Variants in CDKL5 observed in about 807,000 individuals in gnomAD.
CDKL5 encodes the protein cyclin-dependent kinase-like 5.
A neutral mutation model predicts 61.7 loss-of-function variants in CDKL5; 8 were observed. The observed-to-expected ratio is 0.13, with a 90% CI of 0.08 to 0.23. The LOEUF (loss-of-function observed/expected upper bound fraction) is 0.23. Ranked by LOEUF, CDKL5 falls within the 10% of genes least tolerant of loss-of-function variation. CDKL5 has a pLI of 1.00. For missense variants in CDKL5, 440 were observed against 734.5 expected, an observed-to-expected ratio of 0.60 and a Z score of 4.63; for synonymous variants, 275 against 272.3, an observed-to-expected ratio of 1.01 and a Z score of -0.10.
intron 4 of CDKL5, among the ~76,000 whole-genome samples, chrX:18,567,806 G>A (rs1602265316): frequency 9.0e-6 from 1 of 111,536 alleles, no homozygotes; most frequent in East Asian, 2.8e-4. Flanking sequence ...GCTCGCTTGA[G>A]CCCAGAAGGT....
At chrX:18,547,870 G>T (rs747631429) in intron 3 of CDKL5, among the ~76,000 whole-genome samples, 1 of 112,210 alleles carries the variant, frequency 8.9e-6, no homozygotes, top group African/African-American at 3.2e-5. Context: ...TTGAACAAAA[G>T]GATTTTTAGC....
At chrX:18,565,016 G>A (rs1346195596) in intron 4 of CDKL5, among the ~76,000 whole-genome samples, 3 of 111,810 alleles carry the variant, frequency 2.7e-5, no homozygotes, top group Non-Finnish European at 3.8e-5. Context: ...ATAATGCATT[G>A]AGAGAATAAA....
At chrX:18,601,742 C>T (rs1054362960) in intron 11 of CDKL5, among the ~76,000 whole-genome samples, 1 of 112,159 alleles carries the variant, frequency 8.9e-6, no homozygotes, top group Non-Finnish European at 1.9e-5. Context: ...TCTTACGTTG[C>T]TCTGAATGTG....
At chrX:18,619,103 C>T (rs1442674572) in intron 15 of CDKL5, among the ~76,000 whole-genome samples, 1 of 108,259 alleles carries the variant, frequency 9.2e-6, no homozygotes, top group Non-Finnish European at 1.9e-5. Context: ...TCAGTGGTAT[C>T]AAGCTTAATG....
At position 18,634,749 on chromosome X, in the gene CDKL5, CA is replaced by C; in HGVS notation, c.*5995del. ...GATTGATTAACAGAAACAATTAAAC[CA>C]AACAAAATCATTGCCCCAAATTTCT... On this transcript the variant is annotated 3_prime_UTR_variant, in exon 18 of 18. Transcript: ENST00000623535. The C allele has an allele frequency of 1.3e-6, 1 of 752,756 alleles. No homozygotes were observed. The highest frequency in any genetic ancestry group is 1.6e-6 in the Non-Finnish European group (1 of 638,628). 62.0% of individuals were successfully genotyped at this position (752,756 alleles called of 1,213,427 possible). A position where few individuals can be genotyped will look rare whatever the true frequency, so the allele number is the denominator to read the frequency against.
At chrX:18,511,782 G>A (rs1922840871) in intron 3 of CDKL5, among the ~76,000 whole-genome samples, 1 of 112,263 alleles carries the variant, frequency 8.9e-6, no homozygotes, top group African/African-American at 3.2e-5. Context: ...AAGGTGGTGG[G>A]ACAGGAATAA....
chrX:18,445,766 C>T (rs1931860731), intron 1 of CDKL5, among the ~76,000 whole-genome samples: 1 of 111,467 alleles, frequency 9.0e-6, no homozygotes, highest in Non-Finnish European at 1.9e-5. Flanking sequence ...TGTTAAGTTT[C>T]CTGAGGCCTC....
rs1927402081 is a variant in CDKL5, at chrX:18,636,821, T to C, written c.*8064T>C. On this transcript the variant is annotated 3_prime_UTR_variant, in exon 18 of 18. Transcript: ENST00000623535. ...GCAGGTAACAAGTCCCCACGATGTA[T>C]AACATATTCTTCTCTAAAAGCTCAC... 1 of 112,406 alleles carries C rather than the reference T, an allele frequency of 8.9e-6. No homozygotes were observed. Among genetic ancestry groups the C allele is most frequent in the Non-Finnish European group, 1.9e-5 (1 of 53,316 alleles). 9.3% of individuals were successfully genotyped at this position (112,406 alleles called of 1,213,427 possible).
intron 1 of CDKL5, among the ~76,000 whole-genome samples, chrX:18,431,119 T>C (rs1027683265): frequency 9.0e-6 from 1 of 110,938 alleles, no homozygotes; most frequent in African/African-American, 3.3e-5. Context: ...TGCCTCGGCC[T>C]CCCAAAGTGT....
chrX:18,633,623 C>T lies in CDKL5; in HGVS notation c.*4866C>T, dbSNP rs1927293523. 2 of 754,443 alleles carry T rather than the reference C, an allele frequency of 2.7e-6. No individual in the cohort carries two copies. Among genetic ancestry groups the T allele is most frequent in the African/African-American group, 4.6e-5 (2 of 43,911 alleles). The allele number at this position is 754,443 out of a possible 1,213,427, so 62.2% of individuals were successfully genotyped here. A position where few individuals can be genotyped will look rare whatever the true frequency, so the allele number is the denominator to read the frequency against. On this transcript the variant is annotated 3_prime_UTR_variant, in exon 18 of 18. Coordinates refer to ENST00000623535, the MANE Select transcript of CDKL5 (RefSeq NM_001323289.2). ...AACCATACAAGAAAAAGAAGTCCCT[C>T]ATCTATCTGCATACACGCAATGTGG...
In CDKL5 at chrX:18,635,267, A is replaced by G. The variant is rs984949362; in HGVS notation, c.*6510A>G. The G allele has an allele frequency of 1.3e-6, 1 of 748,001 alleles. No homozygotes were observed. The highest frequency in any genetic ancestry group is 2.3e-5 in the African/African-American group (1 of 42,962). 61.6% of individuals were successfully genotyped at this position (748,001 alleles called of 1,213,427 possible). A position where few individuals can be genotyped will look rare whatever the true frequency, so the allele number is the denominator to read the frequency against. The stretch of plus-strand genomic sequence containing the variant: ...TAAAATTTCTATTGTTGCTGTAAAT[A>G]TTACACAAATATCTATTCCGTGATA... On this transcript the variant is annotated 3_prime_UTR_variant, in exon 18 of 18. Transcript: ENST00000623535.
At chrX:18,444,987 G>C (rs1931839737) in intron 1 of CDKL5, among the ~76,000 whole-genome samples, 1 of 111,244 alleles carries the variant, frequency 9.0e-6, no homozygotes, top group South Asian at 3.7e-4. Flanking sequence ...TCTATTCTCA[G>C]ATGGGTCTCC....
intron 4 of CDKL5, among the ~76,000 whole-genome samples, chrX:18,573,507 C>T (rs1412822543): frequency 8.9e-6 from 1 of 112,052 alleles, no homozygotes; most frequent in Non-Finnish European, 1.9e-5. Context: ...GACCTTTGTC[C>T]CCTCCCAATG....
chrX:18,473,459 G>A (rs771949563), intron 1 of CDKL5, among the ~76,000 whole-genome samples: 7 of 109,960 alleles, frequency 6.4e-5, no homozygotes, highest in Admixed American at 3.0e-4. Context: ...TCCAGTCTCC[G>A]TTAAAGCCAG....
At position 18,564,510 on chromosome X, in the gene CDKL5, A is replaced by G. The variant is rs2147132256; in HGVS notation, c.133A>G (p.Lys45Glu). 1 of 977,578 alleles carries G rather than the reference A, an allele frequency of 1.0e-6. No individual in the cohort carries two copies. The highest frequency in any genetic ancestry group is 1.4e-6 in the Non-Finnish European group (1 of 694,208). 80.6% of individuals were successfully genotyped at this position (977,578 alleles called of 1,213,427 possible). A position where few individuals can be genotyped will look rare whatever the true frequency, so the allele number is the denominator to read the frequency against. The part of the protein sequence containing the change: ...THEIVAIKKF[K>E]DSEENEEVKE... ...TGAAATTGTGGCGATCAAGAAATTC[A>G]AGGACAGTGAAGGTAGATATATATA... The change falls in exon 4 of 18, where the codon AAG (lysine) becomes GAG (glutamate). Residue 45 changes from lysine (K) to glutamate (E), a missense_variant. By Grantham distance (56) the Lys-to-Glu change is moderately conservative (BLOSUM62 1). Transcript: ENST00000623535.
At chrX:18,509,824 T>G (rs886366499) in intron 2 of CDKL5, among the ~76,000 whole-genome samples, 10 of 110,171 alleles carry the variant, frequency 9.1e-5, no homozygotes, top group African/African-American at 3.3e-4. Context: ...AGCTATTAAT[T>G]GGAATACTGA....
intron 1 of CDKL5, among the ~76,000 whole-genome samples, chrX:18,469,129 A>T (rs1037211514): frequency 1.9e-5 from 2 of 106,724 alleles, no homozygotes; most frequent in Non-Finnish European, 3.9e-5. Flanking sequence ...ATTGGAGGTC[A>T]GGAGTTACAG....
chrX:18,482,524 G>A (rs1351756443), intron 1 of CDKL5, among the ~76,000 whole-genome samples: 1 of 111,281 alleles, frequency 9.0e-6, no homozygotes, highest in Admixed American at 9.6e-5. Context: ...CCTTTTGTGT[G>A]TGTATTGTTT....
intron 3 of CDKL5, among the ~76,000 whole-genome samples, chrX:18,514,867 T>TGGCTCACTGCAGCCTC (rs1249976071): frequency 9.0e-6 from 1 of 111,159 alleles, no homozygotes; most frequent in Admixed American, 9.6e-5. Flanking sequence ...GATGTGATCT[T>TGGCTCACTGCAGCCTC]GGCTCACTGC....
Sources: allele counts gnomAD v4.1 joint callset (sites outside exome capture counted in the v4.1 genomes callset), GRCh38; gene constraint gnomAD v4.1.1; transcripts MANE v1.5; gene names NCBI Gene and HGNC (gene_info 2026-07-23, HGNC 2026-07-21).